Variants in HMX1 observed in about 807,000 individuals in gnomAD.
The protein encoded by HMX1 is H6 family homeobox 1.
In HMX1, 8 loss-of-function variants were observed where a neutral mutation model predicts 8.9. That is an observed-to-expected ratio of 0.90 (90% confidence interval 0.53 to 1.63). The LOEUF is 1.63. HMX1 is among the 40% of genes most tolerant of loss of function. The pLI is 0.00. For synonymous variants in HMX1, 311 were observed against 283.4 expected (o/e 1.10, Z -0.98); for missense variants, 621 against 558.5 (o/e 1.11, Z -1.13).
At chr4:8,860,867 G>C (rs1211292593) in intron 1 of HMX1, 1 of 152,356 alleles carries the variant, frequency 6.6e-6, no homozygotes, top group Non-Finnish European at 1.5e-5. Context: ...GGGGAGGGGA[G>C]CGAGAAGTGG....
chr4:8,867,850 C>G lies in HMX1; in HGVS notation c.890G>C (p.Gly297Ala). The change falls in exon 2 of 2, where the codon GGG (glycine) becomes GCG (alanine). Residue 297 changes from glycine (G) to alanine (A), a missense_variant. Transcript: ENST00000400677. ...CGGGAAGGGCAGGGTGGCCGGGGGCCCAGCGGCGGCTGCGGCCGGGGGGCT... is the reference window on the plus strand; with the variant it reads ...CGGGAAGGGCAGGGTGGCCGGGGGCGCAGCGGCGGCTGCGGCCGGGGGGCT... ...HESPPAAAAA[G>A]PPATLPFPLA... 8.1e-7 allele frequency: 1 copy of G among 1,240,678 alleles called. No homozygotes were observed. The highest frequency in any genetic ancestry group is 1.0e-6 in the Non-Finnish European group (1 of 994,060). 76.9% of individuals were successfully genotyped at this position (1,240,678 alleles called of 1,614,324 possible).
At chr4:8,861,941 A>T (rs897276407) in intron 1 of HMX1, among the ~76,000 whole-genome samples, 1 of 152,250 alleles carries the variant, frequency 6.6e-6, no homozygotes, top group Non-Finnish European at 1.5e-5. Context: ...GCGAAGTCGG[A>T]ACCACGTCCG....
Position 8,867,325 on chromosome 4 carries a change from GTAGTTTTCCT to G in HMX1, c.*358_*367del. On this transcript the variant is annotated 3_prime_UTR_variant, in exon 2 of 2. Coordinates refer to ENST00000400677, the MANE Select transcript of HMX1 (RefSeq NM_018942.3). ...CCGCTCAGCCTTGGACAGCCGGTTC[GTAGTTTTCCT>G]TTGTTGCGCTGGGCTTGGCCTGAGG... 1.0e-6 allele frequency: 1 copy of G among 997,654 alleles called. No homozygotes were observed. The highest frequency in any genetic ancestry group is 1.2e-6 in the Non-Finnish European group (1 of 838,290). 61.8% of individuals were successfully genotyped at this position (997,654 alleles called of 1,614,324 possible).
chr4:8,865,137 A>G (rs10046946), downstream of HMX1, among the ~76,000 whole-genome samples: 10,061 of 152,278 alleles, frequency 0.066, 1,096 homozygotes, highest in African/African-American at 0.22. Flanking sequence ...GAAGGGCTCC[A>G]GTGCTGACTG....
Position 8,867,665 on chromosome 4 carries a change from C to G in HMX1, c.*28G>C. 1 of 1,236,440 alleles carries G rather than the reference C, an allele frequency of 8.1e-7. No homozygotes were observed. 76.6% of individuals were successfully genotyped at this position (1,236,440 alleles called of 1,614,324 possible). A position where few individuals can be genotyped will look rare whatever the true frequency, so the allele number is the denominator to read the frequency against. On this transcript the variant is annotated 3_prime_UTR_variant, in exon 2 of 2. Coordinates refer to ENST00000400677, the MANE Select transcript of HMX1 (RefSeq NM_018942.3). ...GCGCGTCCACACAGGTCCACAGGGTCGTGGGGAGAGGGCCCGGCAGGCGGG... is the reference window on the plus strand; with the variant it reads ...GCGCGTCCACACAGGTCCACAGGGTGGTGGGGAGAGGGCCCGGCAGGCGGG...
chr4:8,859,468 T>G (rs1047491187), intron 1 of HMX1, among the ~76,000 whole-genome samples: 1 of 152,108 alleles, frequency 6.6e-6, no homozygotes, highest in Non-Finnish European at 1.5e-5. Flanking sequence ...TGGGGCCCTC[T>G]GAGGTGCAGC....
At position 8,867,713 on chromosome 4, in the gene HMX1, G is replaced by A. The variant is rs759871570; in HGVS notation, c.1027C>T (p.Gln343Ter). Residue 343 changes from glutamine to a stop codon, truncating the protein, a stop_gained, in exon 2 of 2, where the codon CAG becomes TAG. Transcript: ENST00000400677. LOFTEE classifies it high-confidence loss of function. ...GGGGCTCACACCAGGCCAGGCATCT[G>A]CGCCCGCAGAAAGGGCACGGAGGCG... Reference protein sequence around the residue: ...AAASVPFLRAQMPGLV With the variant: ...AAASVPFLRA 1 of 1,277,480 alleles carries A rather than the reference G, an allele frequency of 7.8e-7. No individual in the cohort carries two copies. The highest frequency in any genetic ancestry group is 2.9e-5 in the South Asian group (1 of 34,178). The allele number at this position is 1,277,480 out of a possible 1,614,324, so 79.1% of individuals were successfully genotyped here.
At chr4:8,856,165 G>A (rs1287360453) in intron 1 of HMX1, among the ~76,000 whole-genome samples, 1 of 152,226 alleles carries the variant, frequency 6.6e-6, no homozygotes, top group Non-Finnish European at 1.5e-5. Context: ...AGGGCCCTGA[G>A]TGCTTTTGAG....
chr4:8,859,770 C>T (rs1020995996), intron 1 of HMX1, among the ~76,000 whole-genome samples: 4 of 152,222 alleles, frequency 2.6e-5, no homozygotes, highest in Non-Finnish European at 5.9e-5. Flanking sequence ...CCTTCGTCAT[C>T]GTGGGAATAC....
downstream of HMX1, among the ~76,000 whole-genome samples, chr4:8,865,139 T>C (rs1280647439): frequency 6.6e-6 from 1 of 152,180 alleles, no homozygotes; most frequent in African/African-American, 2.4e-5. Context: ...AGGGCTCCAG[T>C]GCTGACTGAA....
At chr4:8,861,753 G>A (rs141448346) in intron 1 of HMX1, among the ~76,000 whole-genome samples, 5,801 of 152,314 alleles carry the variant, frequency 0.038, 364 homozygotes, top group African/African-American at 0.13. Flanking sequence ...GCGTCTGTCT[G>A]GACCCTCAGA....
downstream of HMX1, among the ~76,000 whole-genome samples, chr4:8,863,915 C>T (rs1560179313): frequency 6.6e-6 from 1 of 152,208 alleles, no homozygotes; most frequent in African/African-American, 2.4e-5. Flanking sequence ...ACAGCACATC[C>T]TCCACGCCCA....
intron 1 of HMX1, among the ~76,000 whole-genome samples, chr4:8,857,465 C>T (rs1054872603): frequency 1.4e-4 from 21 of 152,330 alleles, no homozygotes; most frequent in African/African-American, 4.8e-4. Context: ...TGCGCCGGGC[C>T]TCCCAGGTCT....
In HMX1 at chr4:8,871,557, G is replaced by A. The variant is rs766419828; in HGVS notation, c.58C>T (p.Leu20Phe). The A allele has an allele frequency of 2.4e-5, 33 of 1,361,428 alleles. No individual in the cohort carries two copies. In the East Asian group the frequency reaches 7.4e-4, roughly 31 times the overall value. 84.3% of individuals were successfully genotyped at this position (1,361,428 alleles called of 1,614,324 possible). ...TCGGCCGCCAGCAGGTTCTCGATGA[G>A]GAAGGAGGAGGCGCGGGCCGGCGTG... Reference protein sequence around the residue: ...RATPARASSFLIENLLAAEAK... With the variant: ...RATPARASSFFIENLLAAEAK... The change falls in exon 1 of 2, where the codon CTC (leucine) becomes TTC (phenylalanine). Residue 20 changes from leucine to phenylalanine, a missense_variant. Physicochemically the swap from Leu to Phe is conservative, Grantham distance 22. Coordinates refer to ENST00000400677, the MANE Select transcript of HMX1 (RefSeq NM_018942.3). The surrounding 1 kb of genome is among the most constrained non-coding windows in gnomAD (Gnocchi z 4.8).
rs1560176162 is a variant in HMX1 at position 8,860,976 on chromosome 4, G to GGCGGGGGCGGGGGC, written c.394+10244_394+10245insGCCCCCGCCCCCGC. ...GGGCGGGGGCGGGGGCGAGGGCGGG[G>GGCGGGGGCGGGGGC]GAGGGGGCGGGGCCGGAACCGCGGG... On this transcript the variant is annotated intron_variant, in intron 1 of 1. Coordinates refer to the HMX1 transcript ENST00000506970. 5.0e-4 allele frequency: 76 copies of GGCGGGGGCGGGGGC among 150,860 alleles called. 1 individual carries two copies. Among genetic ancestry groups the GGCGGGGGCGGGGGC allele is most frequent in the East Asian group, 4.1e-3 (21 of 5,082 alleles). The allele number at this position is 150,860 out of a possible 1,614,324, so 9.3% of individuals were successfully genotyped here.
At chr4:8,861,428 C>T (rs1721814327) in intron 1 of HMX1, among the ~76,000 whole-genome samples, 1 of 152,294 alleles carries the variant, frequency 6.6e-6, no homozygotes, top group South Asian at 2.1e-4. Flanking sequence ...GACCCCGACT[C>T]GGGCCGGTCA....
rs189809520 is a variant in HMX1 at position 8,858,563 on chromosome 4, C to T, written c.395-12239G>A. Among the ~76,000 whole-genome samples the T allele has an allele frequency of 9.2e-5, 14 of 152,282 alleles. No homozygotes were observed. The East Asian group carries it at 2.7e-3, about 30-fold the overall frequency. On this transcript the variant is annotated intron_variant, in intron 1 of 1. Coordinates refer to the HMX1 transcript ENST00000506970. The stretch of plus-strand genomic sequence containing the variant: ...CATTCGGGAGAGAGAGGTGCCAGCC[C>T]CTACCTTGTGCAGTCCCCTCGCCCG...
At position 8,871,588 on chromosome 4, in the gene HMX1, C is replaced by T; in HGVS notation, c.27G>A (p.Gly9=). 1 of 1,340,876 alleles carries T rather than the reference C, an allele frequency of 7.5e-7. No individual in the cohort carries two copies. Among genetic ancestry groups the T allele is most frequent in the South Asian group, 1.7e-5 (1 of 59,082 alleles). The allele number at this position is 1,340,876 out of a possible 1,614,324, so 83.1% of individuals were successfully genotyped here. The change falls in exon 1 of 2, where the codon GGG becomes GGA. Residue 9 remains glycine, a synonymous_variant. Coordinates refer to ENST00000400677, the MANE Select transcript of HMX1 (RefSeq NM_018942.3). The surrounding 1 kb of genome is among the most constrained non-coding windows in gnomAD (Gnocchi z 4.8). ...AGGAGGCGCGGGCCGGCGTGGCGCGCCCGGGCTCCGTCAGCTCGTCAGGCA... is the reference window on the plus strand; with the variant it reads ...AGGAGGCGCGGGCCGGCGTGGCGCGTCCGGGCTCCGTCAGCTCGTCAGGCA... The part of the protein sequence containing the change: MPDELTEP[G]RATPARASSF...
chr4:8,871,827 T>A lies in HMX1; in HGVS notation c.-213A>T. On this transcript the variant is annotated 5_prime_UTR_variant, in exon 1 of 2. Transcript: ENST00000400677. The surrounding 1 kb of genome is among the most constrained non-coding windows in gnomAD (Gnocchi z 4.8). The stretch of plus-strand genomic sequence containing the variant: ...GCCGACAGCTGATCGGGCAGCCGCC[T>A]GGCTCGCCTTTCAGGTCGCCGTTCT... 1 of 490,516 alleles carries A rather than the reference T, an allele frequency of 2.0e-6. No homozygotes were observed. The highest frequency in any genetic ancestry group is 2.6e-6 in the Non-Finnish European group (1 of 386,458). The allele number at this position is 490,516 out of a possible 1,614,324, so 30.4% of individuals were successfully genotyped here.
Sources: allele counts gnomAD v4.1 joint callset (sites outside exome capture counted in the v4.1 genomes callset), GRCh38; gene constraint gnomAD v4.1.1; non-coding constraint Gnocchi (gnomAD v3.1); transcripts MANE v1.5; gene names NCBI Gene and HGNC (gene_info 2026-07-23, HGNC 2026-07-21).